The following SLC24A3 variants were observed in gnomAD, a reference collection of about 807,000 sequenced individuals.
SLC24A3 encodes the protein solute carrier family 24 member 3.
In SLC24A3, 28 loss-of-function variants were observed where a neutral mutation model predicts 75.8. The observed-to-expected ratio is 0.37, with a 90% CI of 0.27 to 0.51. The LOEUF (loss-of-function observed/expected upper bound fraction) is 0.51, where lower values mean the gene tolerates loss of function less well. SLC24A3 is among the 20% of genes least tolerant of loss of function. SLC24A3 has a pLI of 0.94. For synonymous variants in SLC24A3, 372 were observed against 334.1 expected (o/e 1.11, Z -1.24); for missense variants, 663 against 847.8 (o/e 0.78, Z 2.71).
intron 6 of SLC24A3, among the ~76,000 whole-genome samples, chr20:19,642,083 A>T (rs1312700804): frequency 6.6e-6 from 1 of 152,214 alleles, no homozygotes; most frequent in Non-Finnish European, 1.5e-5. Flanking sequence ...AAGAAAAAAA[A>T]GGCATGTAAA....
At chr20:19,397,632 CTTT>C (rs73617286) in intron 2 of SLC24A3, among the ~76,000 whole-genome samples, 1 of 130,822 alleles carries the variant, frequency 7.6e-6, no homozygotes, top group African/African-American at 2.8e-5. Context: ...AAAGGTTGTG[CTTT>C]TTTTTTCTTT....
chr20:19,306,967 A>T (rs1460124236), intron 2 of SLC24A3, among the ~76,000 whole-genome samples: 4 of 152,200 alleles, frequency 2.6e-5, no homozygotes, highest in African/African-American at 9.6e-5. Flanking sequence ...CTTTCCTCTG[A>T]GTGAGATCTG....
At chr20:19,514,216 A>C (rs1431632530) in intron 2 of SLC24A3, among the ~76,000 whole-genome samples, 1 of 152,184 alleles carries the variant, frequency 6.6e-6, no homozygotes, top group African/African-American at 2.4e-5. Flanking sequence ...GATGTCTCAG[A>C]GGTCATCCAC....
intron 3 of SLC24A3, among the ~76,000 whole-genome samples, chr20:19,578,618 G>C (rs2031175902): frequency 6.6e-6 from 1 of 151,988 alleles, no homozygotes; most frequent in Admixed American, 6.6e-5. Context: ...CCTGTGTGAG[G>C]AGGAGGGGAT....
At chr20:19,597,823 A>G (rs2031470667) in intron 6 of SLC24A3, among the ~76,000 whole-genome samples, 1 of 152,142 alleles carries the variant, frequency 6.6e-6, no homozygotes, top group Non-Finnish European at 1.5e-5. Flanking sequence ...AACATGAGAT[A>G]TTTGTCTTTC....
At chr20:19,537,218 A>T (rs1369074909) in intron 3 of SLC24A3, among the ~76,000 whole-genome samples, 7 of 152,272 alleles carry the variant, frequency 4.6e-5, no homozygotes, top group African/African-American at 9.6e-5. Context: ...TGGGCGAAGG[A>T]TATGAACAGA....
At chr20:19,486,402 G>T (rs1337576089) in intron 2 of SLC24A3, among the ~76,000 whole-genome samples, 1 of 152,112 alleles carries the variant, frequency 6.6e-6, no homozygotes, top group Non-Finnish European at 1.5e-5. Flanking sequence ...AAAACTCCTA[G>T]AACAGTACAC....
intron 1 of SLC24A3, among the ~76,000 whole-genome samples, chr20:19,253,432 T>C (rs1982721551): frequency 6.6e-6 from 1 of 152,076 alleles, no homozygotes; most frequent in African/African-American, 2.4e-5. Context: ...TGAGATCTTC[T>C]GAGCAGTCAA....
intron 8 of SLC24A3, among the ~76,000 whole-genome samples, chr20:19,666,509 C>A (rs1205812773): frequency 1.3e-5 from 2 of 151,546 alleles, no homozygotes; most frequent in Non-Finnish European, 2.9e-5. Context: ...CCATCCCCCA[C>A]CCCCCAAAAA....
chr20:19,670,404 G>A (rs1286874291), intron 8 of SLC24A3, among the ~76,000 whole-genome samples: 1 of 152,144 alleles, frequency 6.6e-6, no homozygotes, highest in Non-Finnish European at 1.5e-5. Flanking sequence ...CAAAAGCAAG[G>A]AATCTCATCC....
intron 6 of SLC24A3, among the ~76,000 whole-genome samples, chr20:19,619,526 A>G (rs1443388043): frequency 1.3e-5 from 2 of 152,208 alleles, no homozygotes; most frequent in African/African-American, 4.8e-5. Flanking sequence ...TGTGATCATG[A>G]GAATGGTTGT....
intron 1 of SLC24A3, among the ~76,000 whole-genome samples, chr20:19,272,817 T>C (rs1312158210): frequency 6.6e-6 from 1 of 152,122 alleles, no homozygotes; most frequent in Non-Finnish European, 1.5e-5. Context: ...GCTGTCACTT[T>C]GGGAGGTGGG....
In SLC24A3 at chr20:19,721,107, C is replaced by T. The variant is rs1437399518; in HGVS notation, c.1902C>T (p.Thr634=). 2 of 1,614,020 alleles carry T rather than the reference C, an allele frequency of 1.2e-6. No homozygotes were observed. The highest frequency in any genetic ancestry group is 2.2e-5 in the East Asian group (1 of 44,880). The change falls in exon 17 of 17, where the codon ACC becomes ACT. Residue 634 remains threonine (T), a synonymous_variant. Coordinates refer to ENST00000328041, the MANE Select transcript of SLC24A3 (RefSeq NM_020689.4). ...TCATGACTGAGTTCAACGTGTTCAC[C>T]TTTGTGAACCTGCCCATGTGCGGGG... is the stretch of plus-strand genomic sequence containing the variant. ...FSIMTEFNVF[T]FVNLPMCGDH
At chr20:19,599,544 T>C (rs891320875) in intron 6 of SLC24A3, among the ~76,000 whole-genome samples, 14 of 152,340 alleles carry the variant, frequency 9.2e-5, no homozygotes, top group African/African-American at 3.4e-4. Context: ...CTTTTTGGTT[T>C]AGAACACCTG....
chr20:19,220,606 C>T (rs1186754336), intron 1 of SLC24A3, among the ~76,000 whole-genome samples: 1 of 152,178 alleles, frequency 6.6e-6, no homozygotes, highest in Non-Finnish European at 1.5e-5. Flanking sequence ...GAATATAGAG[C>T]TGACATTTGA....
At chr20:19,570,991 A>C (rs573444769) in intron 3 of SLC24A3, among the ~76,000 whole-genome samples, 402 of 152,182 alleles carry the variant, frequency 2.6e-3, no homozygotes, top group Non-Finnish European at 4.8e-3. Flanking sequence ...TAGAGGTTAG[A>C]GCTGTAGACG....
intron 6 of SLC24A3, among the ~76,000 whole-genome samples, chr20:19,602,809 T>A (rs2031544479): frequency 6.6e-6 from 1 of 152,128 alleles, no homozygotes; most frequent in African/African-American, 2.4e-5. Flanking sequence ...AGTCCCTGAC[T>A]CTCTCTCTGC....
intron 11 of SLC24A3, among the ~76,000 whole-genome samples, chr20:19,684,548 T>G (rs953010436): frequency 5.9e-5 from 9 of 152,174 alleles, no homozygotes; most frequent in Non-Finnish European, 1.2e-4. Context: ...TAATTTCCAT[T>G]TATATAGAAA....
chr20:19,328,885 A>G (rs1310988858), intron 2 of SLC24A3, among the ~76,000 whole-genome samples: 1 of 152,284 alleles, frequency 6.6e-6, no homozygotes, highest in Admixed American at 6.5e-5. Context: ...CAGAGAGAGG[A>G]CTAAGAGCCC....
Sources: allele counts gnomAD v4.1 joint callset (sites outside exome capture counted in the v4.1 genomes callset), GRCh38; gene constraint gnomAD v4.1.1; transcripts MANE v1.5; gene names NCBI Gene and HGNC (gene_info 2026-07-23, HGNC 2026-07-21).